Variants in IFT56 observed in about 807,000 individuals in gnomAD.
IFT56 encodes intraflagellar transport protein 56.
the IFT56 span, among the ~76,000 whole-genome samples, chr7:139,147,888 C>G: frequency 3.3e-5 from 5 of 152,300 alleles, no homozygotes; most frequent in African/African-American, 9.6e-5. Flanking sequence ...TTCCAGCCAT[C>G]AAGCCTATGT....
At chr7:139,190,473 C>G in the IFT56 span, 1 of 152,258 alleles carries the variant, frequency 6.6e-6, no homozygotes, top group African/African-American at 2.4e-5. Flanking sequence ...TCTCCATCTC[C>G]TGACCTCGTG....
At chr7:139,182,745 G>A in the IFT56 span, among the ~76,000 whole-genome samples, 1 of 151,952 alleles carries the variant, frequency 6.6e-6, no homozygotes, top group Admixed American at 6.6e-5. Context: ...GGAAAGAGAA[G>A]GAAGAGTAAA....
At chr7:139,148,175 A>T in the IFT56 span, 147 of 1,569,334 alleles carry the variant, frequency 9.4e-5, 4 homozygotes, top group South Asian at 1.4e-3. Context: ...AGTAGACTTA[A>T]ATGGTTAACC....
the IFT56 span, among the ~76,000 whole-genome samples, chr7:139,163,016 T>C: frequency 1.0e-4 from 15 of 149,974 alleles, no homozygotes; most frequent in African/African-American, 3.7e-4. Flanking sequence ...TGAGGTAATA[T>C]GTGTAAGGTG....
chr7:139,191,078 C>T, the IFT56 span: 1 of 152,170 alleles, frequency 6.6e-6, no homozygotes, highest in African/African-American at 2.4e-5. Context: ...TCTCCTTCAC[C>T]TTCAGGACTG....
the IFT56 span, among the ~76,000 whole-genome samples, chr7:139,146,289 C>A: frequency 6.6e-6 from 1 of 152,094 alleles, no homozygotes; most frequent in East Asian, 1.9e-4. Flanking sequence ...TTGCGGCAGC[C>A]ATCTAACAAA....
the IFT56 span, among the ~76,000 whole-genome samples, chr7:139,150,814 A>T: frequency 9.8e-5 from 15 of 152,354 alleles, no homozygotes; most frequent in Admixed American, 2.0e-4. Flanking sequence ...TACTTTGAGT[A>T]ACTTGTTCAG....
the IFT56 span, among the ~76,000 whole-genome samples, chr7:139,180,211 C>G: frequency 2.0e-5 from 3 of 152,082 alleles, no homozygotes; most frequent in Admixed American, 6.5e-5. Flanking sequence ...GTGGTGGGCG[C>G]CTGTAGTCCC....
chr7:139,181,933 CAG>C, the IFT56 span, among the ~76,000 whole-genome samples: 4 of 152,104 alleles, frequency 2.6e-5, no homozygotes, highest in Non-Finnish European at 5.9e-5. Flanking sequence ...CCCTGAAAAA[CAG>C]TGAGATTACC....
the IFT56 span, among the ~76,000 whole-genome samples, chr7:139,156,861 C>T: frequency 6.6e-6 from 1 of 152,190 alleles, no homozygotes; most frequent in Non-Finnish European, 1.5e-5. Flanking sequence ...GCCTTAATTA[C>T]TACAGATTTG....
chr7:139,137,762 A>G, the IFT56 span: 2 of 1,011,772 alleles, frequency 2.0e-6, no homozygotes, highest in Non-Finnish European at 1.5e-6. Context: ...GCCTGTTGTC[A>G]GTAACCCAAC....
chr7:139,142,659 G>A, the IFT56 span, among the ~76,000 whole-genome samples: 6 of 152,144 alleles, frequency 3.9e-5, no homozygotes, highest in African/African-American at 1.2e-4. Flanking sequence ...GTGAAACCAT[G>A]TGTCTACTAA....
the IFT56 span, among the ~76,000 whole-genome samples, chr7:139,188,975 A>G: frequency 6.6e-6 from 1 of 152,220 alleles, no homozygotes; most frequent in African/African-American, 2.4e-5. Context: ...TTGAACCCCA[A>G]CTTCTGGATA....
the IFT56 span, among the ~76,000 whole-genome samples, chr7:139,137,426 C>T: frequency 9.2e-5 from 14 of 152,134 alleles, no homozygotes; most frequent in African/African-American, 2.7e-4. Flanking sequence ...CAGTAGAGCA[C>T]GGAGGGTGAC....
chr7:139,183,555 T>C, the IFT56 span, among the ~76,000 whole-genome samples: 1 of 152,114 alleles, frequency 6.6e-6, no homozygotes, highest in Admixed American at 6.5e-5. Context: ...ATGTAAATGG[T>C]CTAAGTATGC....
chr7:139,160,689 G>A, the IFT56 span, among the ~76,000 whole-genome samples: 1 of 152,034 alleles, frequency 6.6e-6, no homozygotes, highest in Admixed American at 6.6e-5. Flanking sequence ...GCCCGCCTTG[G>A]CCTCCAAAAA....
At chr7:139,146,862 A>G in the IFT56 span, 4 of 562,038 alleles carry the variant, frequency 7.1e-6, no homozygotes, top group Non-Finnish European at 1.1e-5. Context: ...GGAAAGGGAG[A>G]AAATATAAAG....
chr7:139,134,197 C>T, the IFT56 span, among the ~76,000 whole-genome samples: 1 of 152,034 alleles, frequency 6.6e-6, no homozygotes, highest in Non-Finnish European at 1.5e-5. Flanking sequence ...GCTGATGGCT[C>T]TTCTAGTAGA....
the IFT56 span, among the ~76,000 whole-genome samples, chr7:139,177,656 A>G: frequency 9.3e-5 from 14 of 150,748 alleles, no homozygotes. Flanking sequence ...TGTACATAGT[A>G]TATCAGACTG....
Sources: allele counts gnomAD v4.1 joint callset (sites outside exome capture counted in the v4.1 genomes callset), GRCh38; gene constraint gnomAD v4.1.1; transcripts MANE v1.5; gene names NCBI Gene and HGNC (gene_info 2026-07-23, HGNC 2026-07-21).